Variants in FSBP observed in about 807,000 individuals in gnomAD.
FSBP encodes the protein fibrinogen silencer-binding protein.
In FSBP, 18 loss-of-function variants were observed where a neutral mutation model predicts 24.6. That is an observed-to-expected ratio of 0.73 (90% CI 0.51 to 1.08). FSBP has a LOEUF of 1.08. Among genes scored for constraint, FSBP ranks in the 50% least tolerant of loss-of-function variants. The probability of loss-of-function intolerance (pLI) is 0.00; values close to 1 mark genes in which losing one functional copy is unlikely to be tolerated. For synonymous variants in FSBP, 110 were observed against 125.8 expected (o/e 0.87, Z 0.84); for missense variants, 305 against 347.6 (o/e 0.88, Z 0.98).
chr8:94,430,965 T>C lies in FSBP; in HGVS notation c.*1166A>G, dbSNP rs546077321. The C allele has an allele frequency of 1.4e-5, 14 of 985,404 alleles. No homozygotes were observed. The South Asian group carries it at 4.2e-4, about 30-fold the overall frequency. The allele number at this position is 985,404 out of a possible 1,614,324, so 61.0% of individuals were successfully genotyped here. A position where few individuals can be genotyped will look rare whatever the true frequency, so the allele number is the denominator to read the frequency against. ...CAATCCACTTTTTCCCATTCTTTTG[T>C]CTTTTTTCCAGCGTCTCACTCTTGA... On this transcript the variant is annotated 3_prime_UTR_variant, in exon 2 of 2. Transcript: ENST00000481490.
At position 94,427,722 on chromosome 8, in the gene FSBP, G is replaced by T. The variant is rs1811977599; in HGVS notation, c.*4409C>A. On this transcript the variant is annotated 3_prime_UTR_variant, in exon 2 of 2. Coordinates refer to ENST00000481490, the MANE Select transcript of FSBP (RefSeq NM_001256141.2). The stretch of plus-strand genomic sequence containing the variant: ...AAAAAAGTACACAAATCAGTACAAA[G>T]TAGTATCTTGTATTTAAAAGAACAT... The T allele has an allele frequency of 8.1e-6, 8 of 982,154 alleles. No individual in the cohort carries two copies. The highest frequency in any genetic ancestry group is 9.7e-6 in the Non-Finnish European group (8 of 827,088). 60.8% of individuals were successfully genotyped at this position (982,154 alleles called of 1,614,324 possible).
chr8:94,427,824 CAT>C lies in FSBP; in HGVS notation c.*4305_*4306del, dbSNP rs1191100380. 59 of 961,830 alleles carry C rather than the reference CAT, an allele frequency of 6.1e-5. No individual in the cohort carries two copies. The highest frequency in any genetic ancestry group is 7.2e-5 in the Non-Finnish European group (58 of 808,944). The allele number at this position is 961,830 out of a possible 1,614,324, so 59.6% of individuals were successfully genotyped here. ...TTTATTACACTCTAAGTTATTTAAA[CAT>C]GTGTATTTAAAAGTTGACATTACTC... On this transcript the variant is annotated 3_prime_UTR_variant, in exon 2 of 2. Coordinates refer to ENST00000481490, the MANE Select transcript of FSBP (RefSeq NM_001256141.2).
At position 94,430,248 on chromosome 8, in the gene FSBP, T is replaced by C. The variant is rs1465256861; in HGVS notation, c.*1883A>G. On this transcript the variant is annotated 3_prime_UTR_variant, in exon 2 of 2. Coordinates refer to ENST00000481490, the MANE Select transcript of FSBP (RefSeq NM_001256141.2). ...ATCGCTTGAACCCAGGAAACGGAGA[T>C]TGCAGTGAGCCAACATCGCACCACT... is the stretch of plus-strand genomic sequence containing the variant. The C allele has an allele frequency of 3.7e-6, 3 of 800,244 alleles. No homozygotes were observed. Among genetic ancestry groups the C allele is most frequent in the Middle Eastern group, 6.3e-4 (1 of 1,594 alleles). 49.6% of individuals were successfully genotyped at this position (800,244 alleles called of 1,614,324 possible).
chr8:94,436,594 T>C lies in FSBP; in HGVS notation c.275A>G (p.Asp92Gly). The change falls in exon 1 of 2, where the codon GAT becomes GGT. Residue 92 changes from aspartate to glycine, a missense_variant. Coordinates refer to ENST00000481490, the MANE Select transcript of FSBP (RefSeq NM_001256141.2). ...ELLQQKETQS[D>G]FKSNISEPTK... Reference sequence around the variant, plus strand: ...TGGCTCAGAAATATTGCTTTTAAAATCTGATTGGGTCTCTTTTTGCTGCAA... The same window carrying C: ...TGGCTCAGAAATATTGCTTTTAAAACCTGATTGGGTCTCTTTTTGCTGCAA... The C allele has an allele frequency of 6.4e-7, 1 of 1,550,582 alleles. No individual in the cohort carries two copies. Among genetic ancestry groups the C allele is most frequent in the Non-Finnish European group, 8.7e-7 (1 of 1,146,952 alleles).
chr8:94,436,745 T>C lies in FSBP; in HGVS notation c.124A>G (p.Lys42Glu), dbSNP rs1385570336. 6.4e-7 allele frequency: 1 copy of C among 1,550,696 alleles called. No homozygotes were observed. The highest frequency in any genetic ancestry group is 2.0e-5 in the Admixed American group (1 of 51,002). Residue 42 changes from lysine to glutamate, a missense_variant, in exon 1 of 2, where the codon AAG becomes GAG. Lys to Glu is a moderately conservative substitution (Grantham distance 56). Transcript: ENST00000481490. ...GCTATGATATCCCAACATCTATTCT[T>C]TTCTACTATTACTGAATGTTTATTA... ...HTNKHSVIVE[K>E]NRCWDIIAVN...
intron 1 of FSBP, among the ~76,000 whole-genome samples, chr8:94,434,663 GGAT>G (rs3136412): frequency 0.018 from 2,726 of 151,252 alleles, 67 homozygotes; most frequent in African/African-American, 0.061. Flanking sequence ...TAAGATTCAA[GGAT>G]GATATCAATC....
At chr8:94,436,152 GAAA>G (rs943875639) in intron 1 of FSBP, among the ~76,000 whole-genome samples, 7 of 151,690 alleles carry the variant, frequency 4.6e-5, no homozygotes, top group African/African-American at 1.7e-4. Flanking sequence ...TCTTAAATGA[GAAA>G]AAAAGTATCT....
In FSBP at chr8:94,430,508, G is replaced by A. The variant is rs1419606977; in HGVS notation, c.*1623C>T. On this transcript the variant is annotated 3_prime_UTR_variant, in exon 2 of 2. Transcript: ENST00000481490. ...TAGCATGCATCAGAATCGCTAAAGG[G>A]TTTATTAAAAGAGATTGCTGACACC... 6 of 919,396 alleles carry A rather than the reference G, an allele frequency of 6.5e-6. No homozygotes were observed. In the East Asian group the frequency reaches 5.9e-4, roughly 90 times the overall value. 57.0% of individuals were successfully genotyped at this position (919,396 alleles called of 1,614,324 possible).
chr8:94,434,551 G>C (rs558077958), intron 1 of FSBP, among the ~76,000 whole-genome samples: 1 of 151,802 alleles, frequency 6.6e-6, no homozygotes, highest in Non-Finnish European at 1.5e-5. Context: ...GCAAACACTA[G>C]TATTTTCCTT....
At position 94,431,893 on chromosome 8, in the gene FSBP, G is replaced by A; in HGVS notation, c.*238C>T. 1 of 1,181,516 alleles carries A rather than the reference G, an allele frequency of 8.5e-7. No homozygotes were observed. The highest frequency in any genetic ancestry group is 3.8e-5 in the East Asian group (1 of 26,640). The allele number at this position is 1,181,516 out of a possible 1,614,324, so 73.2% of individuals were successfully genotyped here. A position where few individuals can be genotyped will look rare whatever the true frequency, so the allele number is the denominator to read the frequency against. ...ATCAGAATAAAATATCTTTTGTAAG[G>A]TCAACAATTAAACTTAGGGAAAAAA... On this transcript the variant is annotated 3_prime_UTR_variant, in exon 2 of 2. Coordinates refer to ENST00000481490, the MANE Select transcript of FSBP (RefSeq NM_001256141.2).
Position 94,428,219 on chromosome 8 carries a change from T to G in FSBP, c.*3912A>C. 1.1e-6 allele frequency: 1 copy of G among 870,432 alleles called. No individual in the cohort carries two copies. The allele number at this position is 870,432 out of a possible 1,614,324, so 53.9% of individuals were successfully genotyped here. On this transcript the variant is annotated 3_prime_UTR_variant, in exon 2 of 2. Transcript: ENST00000481490. ...GTATATTTATCAAATGTAGTATATT[T>G]CTACAGAATCAAGTCTACATTTAAA...
chr8:94,431,169 A>G lies in FSBP; in HGVS notation c.*962T>C, dbSNP rs1281917830. ...CTTTAAGAATTGAGGTTTTATTTCC[A>G]TGAATACTAAAATAACAATACTTAT... On this transcript the variant is annotated 3_prime_UTR_variant, in exon 2 of 2. Transcript: ENST00000481490. 5 of 913,878 alleles carry G rather than the reference A, an allele frequency of 5.5e-6. No individual in the cohort carries two copies. In the African/African-American group the frequency reaches 7.2e-5, roughly 13 times the overall value. 56.6% of individuals were successfully genotyped at this position (913,878 alleles called of 1,614,324 possible).
chr8:94,429,533 A>T lies in FSBP; in HGVS notation c.*2598T>A. ...TTATCAATTCTTAGTAGCATGCTGA[A>T]ACTGTAAAGTGAATTACATCTCATA... On this transcript the variant is annotated 3_prime_UTR_variant, in exon 2 of 2. Coordinates refer to ENST00000481490, the MANE Select transcript of FSBP (RefSeq NM_001256141.2). 1 of 984,574 alleles carries T rather than the reference A, an allele frequency of 1.0e-6. No homozygotes were observed. The highest frequency in any genetic ancestry group is 1.7e-5 in the African/African-American group (1 of 57,344). 61.0% of individuals were successfully genotyped at this position (984,574 alleles called of 1,614,324 possible). A position where few individuals can be genotyped will look rare whatever the true frequency, so the allele number is the denominator to read the frequency against.
Position 94,432,419 on chromosome 8 carries a change from T to C in FSBP, c.612A>G (p.Thr204=), listed in dbSNP as rs1203305875. The C allele has an allele frequency of 6.4e-7, 1 of 1,550,468 alleles. No homozygotes were observed. The highest frequency in any genetic ancestry group is 8.7e-7 in the Non-Finnish European group (1 of 1,146,884). ...TCCTTGGAATAGAAGATGGAGACGATGTCATTCTCATATCAACAGAGGAAA... is the reference window on the plus strand; with the variant it reads ...TCCTTGGAATAGAAGATGGAGACGACGTCATTCTCATATCAACAGAGGAAA... ...PSLSSVDMRM[T]SSPSSIPRRD... Residue 204 remains threonine (T), a synonymous_variant, in exon 2 of 2, where the codon ACA becomes ACG. Coordinates refer to ENST00000481490, the MANE Select transcript of FSBP (RefSeq NM_001256141.2).
In FSBP at chr8:94,432,372, T is replaced by A; in HGVS notation, c.659A>T (p.Glu220Val). 1 of 1,550,412 alleles carries A rather than the reference T, an allele frequency of 6.4e-7. No homozygotes were observed. Among genetic ancestry groups the A allele is most frequent in the Non-Finnish European group, 8.7e-7 (1 of 1,146,864 alleles). ...IPRRDDFFRH[E>V]SGEHFRSLLG... ...TAGTGACCTAAAGTGTTCACCACTCTCATGCCGAAAAAAATCATCTCTCCT... is the reference window on the plus strand; with the variant it reads ...TAGTGACCTAAAGTGTTCACCACTCACATGCCGAAAAAAATCATCTCTCCT... The change falls in exon 2 of 2, where the codon GAG becomes GTG. Residue 220 changes from glutamate to valine, a missense_variant. Glu to Val is a moderately radical substitution (Grantham distance 121). Coordinates refer to ENST00000481490, the MANE Select transcript of FSBP (RefSeq NM_001256141.2).
At chr8:94,434,018 G>A (rs1286909386) in intron 1 of FSBP, among the ~76,000 whole-genome samples, 1 of 151,488 alleles carries the variant, frequency 6.6e-6, no homozygotes, top group African/African-American at 2.4e-5. Context: ...CTATTTGTAG[G>A]TTATATAAAT....
At position 94,428,250 on chromosome 8, in the gene FSBP, A is replaced by G; in HGVS notation, c.*3881T>C. ...GAATCAAGTCTACATTTAAAAAACAAAATCACTCTTCTCTATGTTCTCCCA... is the reference window on the plus strand; with the variant it reads ...GAATCAAGTCTACATTTAAAAAACAGAATCACTCTTCTCTATGTTCTCCCA... On this transcript the variant is annotated 3_prime_UTR_variant, in exon 2 of 2. Coordinates refer to ENST00000481490, the MANE Select transcript of FSBP (RefSeq NM_001256141.2). The G allele has an allele frequency of 1.1e-6, 1 of 946,830 alleles. No individual in the cohort carries two copies. The highest frequency in any genetic ancestry group is 1.3e-6 in the Non-Finnish European group (1 of 794,806). The allele number at this position is 946,830 out of a possible 1,614,324, so 58.7% of individuals were successfully genotyped here. A position where few individuals can be genotyped will look rare whatever the true frequency, so the allele number is the denominator to read the frequency against.
chr8:94,436,428 G>A (rs1385173976), intron 1 of FSBP, 67 bp downstream of exon 1: 9 of 1,455,870 alleles, frequency 6.2e-6, no homozygotes, highest in Admixed American at 2.7e-5. Flanking sequence ...TCTCTATCAC[G>A]ACTAAGCCAA....
In FSBP at chr8:94,428,378, G is replaced by A. The variant is rs190117779; in HGVS notation, c.*3753C>T. 3.8e-3 allele frequency: 3,629 copies of A among 955,314 alleles called. 11 individuals carry two copies. The highest frequency in any genetic ancestry group is 4.3e-3 in the Non-Finnish European group (3,432 of 802,702). The allele number at this position is 955,314 out of a possible 1,614,324, so 59.2% of individuals were successfully genotyped here. A position where few individuals can be genotyped will look rare whatever the true frequency, so the allele number is the denominator to read the frequency against. On this transcript the variant is annotated 3_prime_UTR_variant, in exon 2 of 2. Coordinates refer to ENST00000481490, the MANE Select transcript of FSBP (RefSeq NM_001256141.2). ...TATAGTCATCCCTCAGTATCCAAGG[G>A]GGATTGGTTTCAGGACACCCCCTAC...
Sources: gnomAD v4.1 joint callset for allele counts (sites outside exome capture counted in the v4.1 genomes callset) on GRCh38, gnomAD v4.1.1 for gene constraint, MANE v1.5 for transcripts, NCBI Gene and HGNC (gene_info 2026-07-23, HGNC 2026-07-21) for gene names.